Variants in NSD2 observed in about 807,000 individuals in gnomAD.
NSD2 encodes nuclear receptor binding SET domain protein 2, also known as histone-lysine N-methyltransferase NSD2.
In NSD2, 12 loss-of-function variants were observed where a neutral mutation model predicts 139.0. The ratio of observed to expected loss-of-function variants is 0.09; its 90% CI spans 0.06 to 0.14. NSD2 has a LOEUF of 0.14. NSD2 is among the 10% of genes least tolerant of loss of function. The pLI, the probability that NSD2 is intolerant of heterozygous loss-of-function variation, is 1.00. For missense variants in NSD2, 1,155 were observed against 1,745.0 expected (o/e 0.66, Z 6.02); for synonymous variants, 669 against 648.7 (o/e 1.03, Z -0.48).
intron 11 of NSD2, among the ~76,000 whole-genome samples, chr4:1,952,511 G>A (rs1301632585): frequency 5.3e-5 from 8 of 152,180 alleles, no homozygotes; most frequent in East Asian, 1.9e-4. Context: ...TTTTCATCCC[G>A]TGGGCTGGCC....
intron 18 of NSD2, among the ~76,000 whole-genome samples, chr4:1,968,326 C>T (rs566797811): frequency 3.9e-5 from 6 of 152,170 alleles, no homozygotes; most frequent in Admixed American, 1.3e-4. Context: ...ATGATGACTG[C>T]GAGGCAGGAA....
chr4:1,951,257 G>A (rs979770653), intron 10 of NSD2, 54 bp downstream of exon 10: 39 of 1,608,894 alleles, frequency 2.4e-5, no homozygotes, highest in South Asian at 7.7e-5. Flanking sequence ...CTGGGGCCCC[G>A]GTACGCAGAG....
At chr4:1,915,735 TG>T (rs1309291203) in intron 3 of NSD2, among the ~76,000 whole-genome samples, 1 of 152,114 alleles carries the variant, frequency 6.6e-6, no homozygotes, top group Non-Finnish European at 1.5e-5. Context: ...ACCACTTAAT[TG>T]GGGGAATCTC....
chr4:1,887,242 G>C lies in NSD2; in HGVS notation c.-29-13384G>C, dbSNP rs1446818860. Among the ~76,000 whole-genome samples the C allele has an allele frequency of 1.1e-4, 16 of 152,306 alleles. 1 individual carries two copies. In the East Asian group the frequency reaches 2.1e-3, roughly 20 times the overall value. On this transcript the variant is annotated intron_variant, in intron 1 of 21. Coordinates refer to ENST00000508803, the MANE Select transcript of NSD2 (RefSeq NM_001042424.3). The stretch of plus-strand genomic sequence containing the variant: ...GCTTGGGCTTCCTTGCAGCGTGGTG[G>C]CTGGTTCCATGAGGGAGGAAGTGAG...
chr4:1,905,457 A>G (rs1717766814), intron 3 of NSD2, among the ~76,000 whole-genome samples: 1 of 152,212 alleles, frequency 6.6e-6, no homozygotes, highest in South Asian at 2.1e-4. Flanking sequence ...GTCCTTGCGT[A>G]CATGTCCCCT....
chr4:1,962,174 A>T (rs1244667157), intron 18 of NSD2, among the ~76,000 whole-genome samples: 1 of 152,246 alleles, frequency 6.6e-6, no homozygotes, highest in Non-Finnish European at 1.5e-5. Flanking sequence ...AGCAGTGGCC[A>T]GTGGAGCCTG....
rs955034201 is a variant in NSD2, at chr4:1,979,604, T to C, written c.*695T>C. ...GCCAATAACACGTCCACTTTCAACG[T>C]GTAGTTTACGCGGAGCACTTTCGAG... is the stretch of plus-strand genomic sequence containing the variant. On this transcript the variant is annotated 3_prime_UTR_variant, in exon 22 of 22. Transcript: ENST00000508803. 8.6e-6 allele frequency: 2 copies of C among 232,696 alleles called. No homozygotes were observed. Among genetic ancestry groups the C allele is most frequent in the Admixed American group, 1.1e-4 (2 of 17,756 alleles). The allele number at this position is 232,696 out of a possible 1,614,324, so 14.4% of individuals were successfully genotyped here.
At chr4:1,961,603 A>C (rs1447420697) in intron 18 of NSD2, among the ~76,000 whole-genome samples, 3 of 152,164 alleles carry the variant, frequency 2.0e-5, no homozygotes, top group Admixed American at 2.0e-4. Flanking sequence ...ATTTCTAACC[A>C]TTTTGGAACC....
rs1727588414 is a variant in NSD2, at chr4:1,979,919, T to C, written c.*1010T>C. The C allele has an allele frequency of 4.3e-6, 1 of 232,534 alleles. No individual in the cohort carries two copies. The highest frequency in any genetic ancestry group is 2.2e-5 in the African/African-American group (1 of 45,314). 14.4% of individuals were successfully genotyped at this position (232,534 alleles called of 1,614,324 possible). ...GGAAGTGACAACTTAGGGAGCCCCG[T>C]AGGGCGCTGCAGGCCCCGGGGACCC... On this transcript the variant is annotated 3_prime_UTR_variant, in exon 22 of 22. Transcript: ENST00000508803.
intron 1 of NSD2, among the ~76,000 whole-genome samples, chr4:1,872,589 TGTGAGA>T (rs1422130349): frequency 1.3e-3 from 57 of 44,420 alleles, no homozygotes; most frequent in African/African-American, 2.4e-3. Context: ...TGTGTGTGTG[TGTGAGA>T]GAGAGAGAGA....
chr4:1,945,282 A>C (rs550208755), intron 9 of NSD2: 1 of 1,066,162 alleles, frequency 9.4e-7, no homozygotes, highest in East Asian at 5.0e-5. Context: ...AGACGTTAAG[A>C]GCTGAGCACA....
At chr4:1,947,713 A>G (rs1723780352) in intron 9 of NSD2, 9 of 1,053,630 alleles carry the variant, frequency 8.5e-6, no homozygotes, top group Admixed American at 1.1e-4. Context: ...ACTTCTCGCC[A>G]TCAGCTTCCT....
intron 3 of NSD2, among the ~76,000 whole-genome samples, chr4:1,915,490 C>T (rs1719265615): frequency 1.3e-5 from 2 of 152,136 alleles, no homozygotes; most frequent in Non-Finnish European, 2.9e-5. Context: ...TCATAGCACA[C>T]AGGGTTTCTC....
chr4:1,978,497 TTGTC>T (rs751270923), intron 21 of NSD2, 137 bp from the exon 22 acceptor site: 109 of 1,225,250 alleles, frequency 8.9e-5, no homozygotes, highest in Middle Eastern at 2.6e-4. Flanking sequence ...GGTAGACAGT[TTGTC>T]TGCCCGTCCT....
intron 1 of NSD2, among the ~76,000 whole-genome samples, chr4:1,884,029 C>T (rs1449501264): frequency 2.6e-5 from 4 of 152,206 alleles, no homozygotes; most frequent in Non-Finnish European, 5.9e-5. Flanking sequence ...AGCAGCACTA[C>T]CCACAATGAA....
chr4:1,943,903 A>G, intron 9 of NSD2: 1 of 1,063,704 alleles, frequency 9.4e-7, no homozygotes, highest in Non-Finnish European at 1.1e-6. Flanking sequence ...CCAGCCAGCT[A>G]GCCCATAACT....
rs928026352 is a variant in NSD2 at position 1,904,224 on chromosome 4, T to A, written c.606T>A (p.Ala202=). The change falls in exon 3 of 22, where the codon GCT becomes GCA. Residue 202 remains alanine (A), a synonymous_variant. Transcript: ENST00000508803. ...CTGTTGTTCATTTTCAGATTCCAGC[T>A]AAGAAAGAGTCTTGTCCAAACACTG... is the stretch of plus-strand genomic sequence containing the variant. ...ISSPSDKKIP[A]KKESCPNTGR... The A allele has an allele frequency of 2.5e-6, 4 of 1,612,868 alleles. No individual in the cohort carries two copies. Among genetic ancestry groups the A allele is most frequent in the African/African-American group, 2.7e-5 (2 of 74,886 alleles).
rs1380994325 is a variant in NSD2 at position 1,979,382 on chromosome 4, G to T, written c.*473G>T. On this transcript the variant is annotated 3_prime_UTR_variant, in exon 22 of 22. Coordinates refer to ENST00000508803, the MANE Select transcript of NSD2 (RefSeq NM_001042424.3). ...GAGGCCCGTGTGAGGACTGACCCTG[G>T]ATTCCTCGAAACTGCCATTGTGATC... The T allele has an allele frequency of 1.3e-5, 3 of 236,120 alleles. No homozygotes were observed. The highest frequency in any genetic ancestry group is 2.5e-5 in the Non-Finnish European group (3 of 120,256). The allele number at this position is 236,120 out of a possible 1,614,324, so 14.6% of individuals were successfully genotyped here.
chr4:1,955,642 C>T lies in NSD2; in HGVS notation c.2519-51C>T, dbSNP rs1005244913. The T allele has an allele frequency of 6.4e-7, 1 of 1,557,404 alleles. No individual in the cohort carries two copies. The highest frequency in any genetic ancestry group is 1.4e-5 in the African/African-American group (1 of 73,622). ...TAGACTGTGAAGCACTGAATCTGGG[C>T]TGAGCCATAGCAGACAGGCTAAGCC... On this transcript the variant is annotated intron_variant, in intron 13 of 21. Transcript: ENST00000508803. This position sits in a 1 kb window ranked among gnomAD's most constrained non-coding sequence, Gnocchi z 4.7.
Sources: allele counts gnomAD v4.1 joint callset (sites outside exome capture counted in the v4.1 genomes callset), GRCh38; gene constraint gnomAD v4.1.1; non-coding constraint Gnocchi (gnomAD v3.1); transcripts MANE v1.5; gene names NCBI Gene and HGNC (gene_info 2026-07-23, HGNC 2026-07-21).